The following CARMIL1 variants were observed in gnomAD, a reference collection of about 807,000 sequenced individuals.
CARMIL1 encodes the protein F-actin-uncapping protein LRRC16A.
Under a neutral mutation model 177.1 loss-of-function variants are expected in CARMIL1, and 90 were observed. The ratio of observed to expected loss-of-function variants is 0.51; its 90% CI spans 0.43 to 0.61. CARMIL1 has a LOEUF of 0.61. Among genes scored for constraint, CARMIL1 ranks in the 20% least tolerant of loss-of-function variants. CARMIL1 has a pLI of 0.00. For synonymous variants in CARMIL1, 577 were observed against 606.2 expected, an observed-to-expected ratio of 0.95 and a Z score of 0.71; for missense variants, 1,380 against 1,667.0, an observed-to-expected ratio of 0.83 and a Z score of 3.00.
intron 2 of CARMIL1, among the ~76,000 whole-genome samples, chr6:25,384,444 A>C (rs562267300): frequency 4.9e-4 from 74 of 152,316 alleles, no homozygotes; most frequent in African/African-American, 1.8e-3. Flanking sequence ...CACGTGTACA[A>C]TAGGTACTCA....
intron 8 of CARMIL1, among the ~76,000 whole-genome samples, chr6:25,451,303 C>G (rs1416800264): frequency 2.0e-5 from 3 of 151,858 alleles, no homozygotes; most frequent in Non-Finnish European, 4.4e-5. Flanking sequence ...TCTATTCTAC[C>G]CTGTCTATAA....
At chr6:25,368,440 T>C (rs1790063349) in intron 2 of CARMIL1, among the ~76,000 whole-genome samples, 1 of 152,204 alleles carries the variant, frequency 6.6e-6, no homozygotes, top group South Asian at 2.1e-4. Context: ...ATTAGCCCAG[T>C]ACATCACTCT....
chr6:25,281,136 G>GCGCGCGCGCA (rs10642536), intron 1 of CARMIL1, among the ~76,000 whole-genome samples: 62 of 132,190 alleles, frequency 4.7e-4, no homozygotes, highest in Non-Finnish European at 7.4e-4. Flanking sequence ...GTGCGCGCGC[G>GCGCGCGCGCA]CACACACACA....
In CARMIL1 at chr6:25,576,569, A is replaced by T. The variant is rs532305008; in HGVS notation, c.2743-4355A>T. Among the ~76,000 whole-genome samples the T allele has an allele frequency of 2.6e-5, 4 of 152,348 alleles. No homozygotes were observed. The East Asian group carries it at 7.7e-4, about 29-fold the overall frequency. ...AGACTGGTCCTGTGGTCCAGGAGCC[A>T]GGACTTGCATGGGGTTCTTTAACAA... On this transcript the variant is annotated intron_variant, in intron 29 of 36. Transcript: ENST00000329474.
chr6:25,584,880 T>C (rs1200316609), intron 31 of CARMIL1, among the ~76,000 whole-genome samples: 1 of 152,156 alleles, frequency 6.6e-6, no homozygotes, highest in Non-Finnish European at 1.5e-5. Context: ...TATTTTGGGG[T>C]AGCATGTCCC....
In CARMIL1 at chr6:25,420,179, A is replaced by G. The variant is rs936483210; in HGVS notation, c.189+15A>G. The stretch of plus-strand genomic sequence containing the variant: ...TCCCCACCAAGGTAAGTGTTGATGA[A>G]GTCCTTCCTTCTGCACTCACACTCA... On this transcript the variant is annotated intron_variant, in intron 3 of 36. Transcript: ENST00000329474. The G allele has an allele frequency of 1.2e-6, 2 of 1,612,022 alleles. No individual in the cohort carries two copies. Among genetic ancestry groups the G allele is most frequent in the Admixed American group, 3.3e-5 (2 of 59,968 alleles).
At chr6:25,478,226 T>C (rs539526794) in intron 11 of CARMIL1, among the ~76,000 whole-genome samples, 4 of 152,250 alleles carry the variant, frequency 2.6e-5, no homozygotes, top group Non-Finnish European at 2.9e-5. Flanking sequence ...GACAAGAGAC[T>C]TATAGATTCT....
intron 20 of CARMIL1, among the ~76,000 whole-genome samples, chr6:25,513,605 C>T (rs1805666961): frequency 6.6e-6 from 1 of 152,180 alleles, no homozygotes; most frequent in Non-Finnish European, 1.5e-5. Context: ...ACCATCAACA[C>T]CCTCATTCTG....
At chr6:25,563,866 A>G (rs1034792038) in intron 29 of CARMIL1, 12 of 985,318 alleles carry the variant, frequency 1.2e-5, no homozygotes, top group Non-Finnish European at 1.4e-5. Context: ...GAGGTCATCA[A>G]GAAAGGCTTA....
At chr6:25,500,093 T>G (rs753193867) in intron 16 of CARMIL1, 73 bp from the exon 17 acceptor site, 6 of 1,311,532 alleles carry the variant, frequency 4.6e-6, no homozygotes, top group Non-Finnish European at 4.4e-6. Flanking sequence ...TAGGCTTTAT[T>G]CAGTGTGCTT....
chr6:25,557,511 C>G (rs577845490), intron 29 of CARMIL1, among the ~76,000 whole-genome samples: 1 of 152,230 alleles, frequency 6.6e-6, no homozygotes, highest in South Asian at 2.1e-4. Context: ...ATCAGCATAG[C>G]TACTTCTCAC....
chr6:25,455,299 T>G (rs1001772657), intron 8 of CARMIL1, among the ~76,000 whole-genome samples: 1 of 152,200 alleles, frequency 6.6e-6, no homozygotes, highest in Non-Finnish European at 1.5e-5. Context: ...CAAAGCTTTA[T>G]TTTTTCATTC....
rs372062800 is a variant in CARMIL1 at position 25,591,492 on chromosome 6, C to A, written c.3007-2923C>A. On this transcript the variant is annotated intron_variant, in intron 31 of 36. Coordinates refer to ENST00000329474, the MANE Select transcript of CARMIL1 (RefSeq NM_017640.6). ...GCTCCCTCCTTTTCCAACAGCTGTT[C>A]TACCCTTTTCAGTCTGAAATGTATT... Among the ~76,000 whole-genome samples the A allele has an allele frequency of 2.6e-5, 4 of 152,310 alleles. No homozygotes were observed. In the East Asian group the frequency reaches 7.7e-4, roughly 29 times the overall value.
chr6:25,433,844 C>G (rs1266913842), intron 4 of CARMIL1, among the ~76,000 whole-genome samples: 1 of 152,162 alleles, frequency 6.6e-6, no homozygotes, highest in Non-Finnish European at 1.5e-5. Context: ...TTTGACATAC[C>G]TTGCGTTACT....
chr6:25,517,103 T>C (rs1465975805), intron 21 of CARMIL1, among the ~76,000 whole-genome samples: 2 of 152,246 alleles, frequency 1.3e-5, no homozygotes, highest in Non-Finnish European at 2.9e-5. Flanking sequence ...TAAGTGAACA[T>C]ATGTGCTATT....
chr6:25,304,903 A>G (rs901807527), intron 2 of CARMIL1, among the ~76,000 whole-genome samples: 1 of 152,120 alleles, frequency 6.6e-6, no homozygotes, highest in African/African-American at 2.4e-5. Flanking sequence ...GACTGTTTGG[A>G]TTGGTTCTAT....
chr6:25,332,942 T>A (rs1317198915), intron 2 of CARMIL1, among the ~76,000 whole-genome samples: 2 of 152,096 alleles, frequency 1.3e-5, no homozygotes, highest in Non-Finnish European at 2.9e-5. Context: ...GGGGTGGACA[T>A]ATGACCCAAG....
chr6:25,532,576 C>A (rs574998406), intron 24 of CARMIL1, among the ~76,000 whole-genome samples: 1 of 152,312 alleles, frequency 6.6e-6, no homozygotes, highest in South Asian at 2.1e-4. Context: ...CCCTCTGTGA[C>A]TAATGCCCTT....
intron 2 of CARMIL1, among the ~76,000 whole-genome samples, chr6:25,403,968 T>C (rs887462738): frequency 6.6e-6 from 1 of 152,212 alleles, no homozygotes; most frequent in African/African-American, 2.4e-5. Context: ...AGTCAGTAAT[T>C]ATTGGTTGAA....
Sources: allele counts gnomAD v4.1 joint callset (sites outside exome capture counted in the v4.1 genomes callset), GRCh38; gene constraint gnomAD v4.1.1; transcripts MANE v1.5; gene names NCBI Gene and HGNC (gene_info 2026-07-23, HGNC 2026-07-21).